GXYLT2: variants seen among roughly 807,000 people sequenced by gnomAD.
GXYLT2 encodes glycosyltransferase 8 domain containing 4.
GXYLT2 carries 53 observed loss-of-function variants against 45.8 expected under a neutral mutation model. That is an observed-to-expected ratio of 1.16 (90% CI 0.93 to 1.46). The LOEUF is 1.46. GXYLT2 is among the 40% of genes most tolerant of loss of function. The probability of loss-of-function intolerance (pLI) is 0.00; values close to 1 mark genes in which losing one functional copy is unlikely to be tolerated. For synonymous variants in GXYLT2, 219 were observed against 214.2 expected (o/e 1.02, Z -0.19); for missense variants, 551 against 544.4 (o/e 1.01, Z -0.12).
At chr3:72,926,588 G>T (rs1445503761) in intron 3 of GXYLT2, among the ~76,000 whole-genome samples, 1 of 152,192 alleles carries the variant, frequency 6.6e-6, no homozygotes, top group Non-Finnish European at 1.5e-5. Context: ...TAATTGAGTT[G>T]TATGAATTCA....
Position 72,908,084 on chromosome 3 carries a change from G to A in GXYLT2, c.276-283G>A, listed in dbSNP as rs562305578. On this transcript the variant is annotated intron_variant, in intron 1 of 6. Coordinates refer to ENST00000389617, the MANE Select transcript of GXYLT2 (RefSeq NM_001080393.2). ...TACTATTTCCAAACATGGGCCAGTA[G>A]GCAGCCAGCAGGCACCAGACAGCTG... 3.4e-3 allele frequency: 1,022 copies of A among 303,228 alleles called. 2 individuals are homozygous for A. The highest frequency in any genetic ancestry group is 4.6e-3 in the Non-Finnish European group (750 of 164,184). 18.8% of individuals were successfully genotyped at this position (303,228 alleles called of 1,614,324 possible). A position where few individuals can be genotyped will look rare whatever the true frequency, so the allele number is the denominator to read the frequency against.
chr3:72,958,629 CTTTTTTT>C (rs760548760), intron 5 of GXYLT2, among the ~76,000 whole-genome samples: 40 of 108,734 alleles, frequency 3.7e-4, no homozygotes, highest in Admixed American at 1.5e-3. Context: ...TCACTTGTGG[CTTTTTTT>C]TTTTTTTTTT....
intron 3 of GXYLT2, among the ~76,000 whole-genome samples, chr3:72,954,437 T>TG (rs1710591828): frequency 4.8e-5 from 2 of 42,056 alleles, no homozygotes; most frequent in Non-Finnish European, 4.2e-5. Flanking sequence ...GTGTGTGTAT[T>TG]TGTATTTATA....
chr3:72,889,084 C>T (rs1452207415), intron 1 of GXYLT2, among the ~76,000 whole-genome samples: 1 of 152,188 alleles, frequency 6.6e-6, no homozygotes, highest in Admixed American at 6.5e-5. Context: ...CATTCTGTTT[C>T]AGGCTCGAGT....
At position 72,955,198 on chromosome 3, in the gene GXYLT2, C is replaced by G. The variant is rs761338090; in HGVS notation, c.701C>G (p.Ser234Cys). The part of the protein sequence containing the change: ...DIWKLLRLFN[S>C]TQLAAMAPEH... ...TGGAAGCTTCTGAGGCTGTTTAATT[C>G]CACCCAGCTTGCAGCCATGGCCCCT... The change falls in exon 4 of 7, where the codon TCC (serine) becomes TGC (cysteine). Residue 234 changes from serine (S) to cysteine (C), a missense_variant. Physicochemically the swap from Ser to Cys is moderately radical, Grantham distance 112 (BLOSUM62 -1). Coordinates refer to ENST00000389617, the MANE Select transcript of GXYLT2 (RefSeq NM_001080393.2). The G allele has an allele frequency of 8.6e-5, 139 of 1,613,882 alleles. No homozygotes were observed. The highest frequency in any genetic ancestry group is 1.1e-4 in the Non-Finnish European group (132 of 1,179,894).
intron 5 of GXYLT2, among the ~76,000 whole-genome samples, chr3:72,963,084 G>A (rs1326469321): frequency 2.6e-5 from 4 of 152,214 alleles, no homozygotes; most frequent in Non-Finnish European, 5.9e-5. Context: ...GGCTGAGCAG[G>A]GAGTATTGCT....
At chr3:72,915,320 C>T (rs549824131) in intron 2 of GXYLT2, among the ~76,000 whole-genome samples, 65 of 128,884 alleles carry the variant, frequency 5.0e-4, no homozygotes, top group Non-Finnish European at 7.5e-4. Context: ...GGGACCATGC[C>T]TCTTCGTTAC....
At chr3:72,928,591 G>T (rs903227701) in intron 3 of GXYLT2, among the ~76,000 whole-genome samples, 1 of 152,160 alleles carries the variant, frequency 6.6e-6, no homozygotes, top group Non-Finnish European at 1.5e-5. Context: ...GAGGAGGCTT[G>T]CACCTTAATG....
At chr3:72,902,240 A>T (rs900650513) in intron 1 of GXYLT2, among the ~76,000 whole-genome samples, 6 of 152,178 alleles carry the variant, frequency 3.9e-5, no homozygotes, top group Non-Finnish European at 5.9e-5. Flanking sequence ...TTCTATATTT[A>T]ACATTCTCAG....
chr3:72,899,981 C>T (rs1709371732), intron 1 of GXYLT2, among the ~76,000 whole-genome samples: 1 of 152,224 alleles, frequency 6.6e-6, no homozygotes, highest in Non-Finnish European at 1.5e-5. Flanking sequence ...TCCAACTTAC[C>T]CTGCTAGTCT....
intron 3 of GXYLT2, among the ~76,000 whole-genome samples, chr3:72,951,778 G>C (rs1354502078): frequency 6.6e-6 from 1 of 152,058 alleles, no homozygotes; most frequent in Non-Finnish European, 1.5e-5. Context: ...TTTGAAATTA[G>C]AATCTTCAAA....
At chr3:72,947,450 G>A (rs1280735687) in intron 3 of GXYLT2, among the ~76,000 whole-genome samples, 1 of 152,178 alleles carries the variant, frequency 6.6e-6, no homozygotes, top group African/African-American at 2.4e-5. Flanking sequence ...GAGGTAGACG[G>A]AGTGTGTATA....
In GXYLT2 at chr3:72,948,052, T is replaced by G. The variant is rs189231548; in HGVS notation, c.601-7046T>G. Among the ~76,000 whole-genome samples, 165 of 152,312 alleles carry G rather than the reference T, an allele frequency of 1.1e-3. 1 individual carries two copies. The highest frequency in any genetic ancestry group is 3.8e-3 in the African/African-American group (160 of 41,560). The stretch of plus-strand genomic sequence containing the variant: ...AAGATAAATTCACAGAGTTGGAGAT[T>G]CCAACATTCCTCTTTTAATAACTAA... On this transcript the variant is annotated intron_variant, in intron 3 of 6. Transcript: ENST00000389617.
At chr3:72,965,243 C>A (rs981685615) in intron 5 of GXYLT2, among the ~76,000 whole-genome samples, 1 of 152,286 alleles carries the variant, frequency 6.6e-6, no homozygotes. Flanking sequence ...AAAGACTGAG[C>A]CCTGAAAACA....
chr3:72,960,843 G>A (rs915866494), intron 5 of GXYLT2, among the ~76,000 whole-genome samples: 13 of 152,170 alleles, frequency 8.5e-5, no homozygotes, highest in African/African-American at 3.1e-4. Context: ...AGGAGAGAGG[G>A]AGACAGTATT....
Position 72,921,737 on chromosome 3 carries a change from G to A in GXYLT2, c.469-467G>A, listed in dbSNP as rs547906282. The stretch of plus-strand genomic sequence containing the variant: ...AGCCACCATCCCTGGTCCCTCTAAC[G>A]GTACATTATTTTATTATATAGTTCT... On this transcript the variant is annotated intron_variant, in intron 2 of 6. Coordinates refer to ENST00000389617, the MANE Select transcript of GXYLT2 (RefSeq NM_001080393.2). Among the ~76,000 whole-genome samples the A allele has an allele frequency of 5.3e-5, 8 of 152,058 alleles. No homozygotes were observed. In the East Asian group the frequency reaches 5.8e-4, roughly 11 times the overall value.
At chr3:72,888,805 C>T (rs542660909) in intron 1 of GXYLT2, among the ~76,000 whole-genome samples, 1 of 152,112 alleles carries the variant, frequency 6.6e-6, no homozygotes, top group Non-Finnish European at 1.5e-5. Context: ...AAACATGCAC[C>T]CTTTGTTTAA....
chr3:72,904,780 C>T (rs1258765082), intron 1 of GXYLT2, among the ~76,000 whole-genome samples: 1 of 151,516 alleles, frequency 6.6e-6, no homozygotes, highest in East Asian at 1.9e-4. Flanking sequence ...GTGGCTCACC[C>T]CTGTAATCCC....
intron 3 of GXYLT2, among the ~76,000 whole-genome samples, chr3:72,930,207 T>C (rs375395534): frequency 6.6e-6 from 1 of 151,536 alleles, no homozygotes; most frequent in African/African-American, 2.4e-5. Context: ...TTATAGTTGA[T>C]AAAGAATACA....
Sources: gnomAD v4.1 joint callset for allele counts (sites outside exome capture counted in the v4.1 genomes callset) on GRCh38, gnomAD v4.1.1 for gene constraint, MANE v1.5 for transcripts, NCBI Gene and HGNC (gene_info 2026-07-23, HGNC 2026-07-21) for gene names.